The following GABRG1 variants were observed in gnomAD, a reference collection of about 807,000 sequenced individuals.
GABRG1 encodes the protein gamma-aminobutyric acid type A receptor subunit gamma1.
A neutral mutation model predicts 49.8 loss-of-function variants in GABRG1; 49 were observed. The observed-to-expected ratio is 0.98, with a 90% CI of 0.78 to 1.25. GABRG1 has a LOEUF of 1.25. Among genes scored for constraint, GABRG1 ranks in the 50% most tolerant of loss-of-function variants. The pLI, the probability that GABRG1 is intolerant of heterozygous loss-of-function variation, is 0.00. For synonymous variants in GABRG1, 232 were observed against 185.1 expected, an observed-to-expected ratio of 1.25 and a Z score of -2.06; for missense variants, 552 against 552.3, an observed-to-expected ratio of 1.00 and a Z score of 0.01.
intron 2 of GABRG1, among the ~76,000 whole-genome samples, chr4:46,092,694 C>A (rs551183213): frequency 6.6e-5 from 10 of 151,804 alleles, no homozygotes; most frequent in Non-Finnish European, 1.5e-4. Flanking sequence ...GAACAATATA[C>A]ATATTTCCTA....
intron 3 of GABRG1, among the ~76,000 whole-genome samples, chr4:46,067,183 T>G (rs1364834014): frequency 6.6e-6 from 1 of 151,992 alleles, no homozygotes; most frequent in Non-Finnish European, 1.5e-5. Context: ...GGAAGTTGGA[T>G]CAAATCCTAG....
intron 2 of GABRG1, among the ~76,000 whole-genome samples, chr4:46,093,744 A>G (rs1560368246): frequency 2.0e-5 from 3 of 152,002 alleles, no homozygotes; most frequent in Non-Finnish European, 2.9e-5. Flanking sequence ...CATAAAAATA[A>G]AAGTAAAACT....
chr4:46,100,627 TG>T, intron 1 of GABRG1, among the ~76,000 whole-genome samples: 1 of 149,434 alleles, frequency 6.7e-6, no homozygotes, highest in South Asian at 2.1e-4. Context: ...ATGAAGTATC[TG>T]GTGGGTATGG....
chr4:46,123,721 CT>C, intron 1 of GABRG1, 88 bp downstream of exon 1: 1 of 877,488 alleles, frequency 1.1e-6, no homozygotes, highest in Non-Finnish European at 1.8e-6. Flanking sequence ...AAATTAATTA[CT>C]TAAAGTGGAA....
chr4:46,071,881 A>G lies in GABRG1; in HGVS notation c.322-6297T>C, dbSNP rs116407712. Among the ~76,000 whole-genome samples, 1,293 of 152,208 alleles carry G rather than the reference A, an allele frequency of 8.5e-3. 6 individuals are homozygous for G. Among genetic ancestry groups the G allele is most frequent in the South Asian group, 0.027 (128 of 4,824 alleles). Reference sequence around the variant, plus strand: ...TTCAGTAAGCTGATAATAATTTGTTATTGAAGAAAGAAATTAAAAAATTAA... The same window carrying G: ...TTCAGTAAGCTGATAATAATTTGTTGTTGAAGAAAGAAATTAAAAAATTAA... On this transcript the variant is annotated intron_variant, in intron 3 of 8. Coordinates refer to ENST00000295452, the MANE Select transcript of GABRG1 (RefSeq NM_173536.4).
intron 2 of GABRG1, among the ~76,000 whole-genome samples, chr4:46,088,227 G>T (rs919890406): frequency 1.3e-5 from 2 of 152,046 alleles, no homozygotes; most frequent in Non-Finnish European, 2.9e-5. Flanking sequence ...GTAGTGTTTA[G>T]TGGATGAAGT....
At chr4:46,046,857 A>G (rs1718019483) in intron 8 of GABRG1, among the ~76,000 whole-genome samples, 1 of 152,126 alleles carries the variant, frequency 6.6e-6, no homozygotes, top group African/African-American at 2.4e-5. Context: ...GAAAACATAC[A>G]TAGAAATATA....
intron 2 of GABRG1, among the ~76,000 whole-genome samples, chr4:46,092,105 A>G (rs1258379428): frequency 6.6e-6 from 1 of 152,086 alleles, no homozygotes; most frequent in Non-Finnish European, 1.5e-5. Context: ...AATAATTTTC[A>G]TATAAAACTG....
intron 3 of GABRG1, among the ~76,000 whole-genome samples, chr4:46,065,846 C>A (rs1054872155): frequency 6.6e-6 from 1 of 152,088 alleles, no homozygotes; most frequent in African/African-American, 2.4e-5. Flanking sequence ...CCTCAGCCTC[C>A]GGAGGAGCTG....
At chr4:46,107,727 C>G (rs552262567) in intron 1 of GABRG1, among the ~76,000 whole-genome samples, 3 of 151,072 alleles carry the variant, frequency 2.0e-5, no homozygotes, top group South Asian at 4.1e-4. Flanking sequence ...ATTCTGTTAA[C>G]TTGTTGTTAC....
chr4:46,095,384 A>C (rs1344581686), intron 2 of GABRG1, among the ~76,000 whole-genome samples: 1 of 151,788 alleles, frequency 6.6e-6, no homozygotes, highest in East Asian at 1.9e-4. Context: ...GCATTTTCCC[A>C]AGGTTGAAAA....
intron 3 of GABRG1, among the ~76,000 whole-genome samples, chr4:46,076,918 A>G (rs937808176): frequency 6.6e-6 from 1 of 151,780 alleles, no homozygotes; most frequent in Non-Finnish European, 1.5e-5. Flanking sequence ...CTGAAGAAAT[A>G]ATAATGGTGG....
At chr4:46,061,894 A>G (rs759736765) in intron 5 of GABRG1, among the ~76,000 whole-genome samples, 2 of 140,960 alleles carry the variant, frequency 1.4e-5, no homozygotes, top group Non-Finnish European at 3.0e-5. Context: ...TTATTATTAT[A>G]CTTTCAGTTT....
chr4:46,042,722 T>C (rs1037489656), intron 8 of GABRG1, among the ~76,000 whole-genome samples: 1 of 152,066 alleles, frequency 6.6e-6, no homozygotes, highest in South Asian at 2.1e-4. Context: ...TCACCAAATA[T>C]TAAAAATCCA....
intron 1 of GABRG1, among the ~76,000 whole-genome samples, chr4:46,104,653 C>T (rs762789613): frequency 6.6e-6 from 1 of 151,214 alleles, no homozygotes; most frequent in African/African-American, 2.4e-5. Flanking sequence ...GGTTATTTTG[C>T]CTTATGTAAA....
intron 2 of GABRG1, among the ~76,000 whole-genome samples, chr4:46,085,735 G>C (rs1468845197): frequency 2.6e-5 from 4 of 151,374 alleles, no homozygotes; most frequent in Non-Finnish European, 5.9e-5. Flanking sequence ...TTGTTGCTTT[G>C]ATTCATACTA....
chr4:46,097,298 G>C lies in GABRG1; in HGVS notation c.156C>G (p.Thr52=), dbSNP rs1300088519. 6.2e-7 allele frequency: 1 copy of C among 1,610,634 alleles called. No individual in the cohort carries two copies. Among genetic ancestry groups the C allele is most frequent in the African/African-American group, 1.3e-5 (1 of 74,612 alleles). Residue 52 remains threonine (T), a synonymous_variant, in exon 2 of 9, where the codon ACC becomes ACG. Coordinates refer to ENST00000295452, the MANE Select transcript of GABRG1 (RefSeq NM_173536.4). The part of the protein sequence containing the change: ...EDDEDLTVNK[T]WVLAPKIHEG... ...CATGAATTTTTGGGGCCAAGACCCA[G>C]GTTTTGTTCACCGTTAAATCCTCAT...
chr4:46,107,474 C>T (rs896214324), intron 1 of GABRG1, among the ~76,000 whole-genome samples: 2 of 150,948 alleles, frequency 1.3e-5, no homozygotes, highest in East Asian at 3.9e-4. Flanking sequence ...TCAGTTCCTT[C>T]CTTTCTTGTT....
chr4:46,082,095 T>A (rs987576482), intron 3 of GABRG1, among the ~76,000 whole-genome samples: 6 of 151,848 alleles, frequency 4.0e-5, no homozygotes, highest in Admixed American at 2.0e-4. Flanking sequence ...GATCCAGTAG[T>A]TTGAACTCAC....
Sources: allele counts gnomAD v4.1 joint callset (sites outside exome capture counted in the v4.1 genomes callset), GRCh38; gene constraint gnomAD v4.1.1; transcripts MANE v1.5; gene names NCBI Gene and HGNC (gene_info 2026-07-23, HGNC 2026-07-21).